ZFAND3: variants seen among roughly 807,000 people sequenced by gnomAD.
ZFAND3 encodes zinc finger AN1-type containing 3, also known as AN1-type zinc finger protein 3.
ZFAND3 carries 10 observed loss-of-function variants against 29.6 expected under a neutral mutation model. The observed-to-expected ratio is 0.34, with a 90% CI of 0.21 to 0.57. ZFAND3 has a LOEUF of 0.57. ZFAND3 is among the 20% of genes least tolerant of loss of function. The pLI is 0.86. For synonymous variants in ZFAND3, 128 were observed against 112.6 expected (o/e 1.14, Z -0.87); for missense variants, 230 against 304.5 (o/e 0.76, Z 1.82).
intron 2 of ZFAND3, among the ~76,000 whole-genome samples, chr6:37,944,185 T>A (rs927967849): frequency 6.6e-6 from 1 of 152,204 alleles, no homozygotes. Flanking sequence ...TTAATTAAAA[T>A]TTTTATTTAA....
At position 38,125,765 on chromosome 6, in the gene ZFAND3, ATT is replaced by A; in HGVS notation, c.529+9029_529+9030del. ...AGGAAGTGAATTATTAGTGTCTTTT[ATT>A]TTAGTTCCAGTAGTAAATAGTTTTA... On this transcript the variant is annotated intron_variant, in intron 5 of 5. Transcript: ENST00000287218. Among the ~76,000 whole-genome samples, 2 of 152,272 alleles carry A rather than the reference ATT, an allele frequency of 1.3e-5. 1 individual carries two copies.
intron 1 of ZFAND3, among the ~76,000 whole-genome samples, chr6:37,836,814 A>G (rs1049925526): frequency 1.9e-4 from 29 of 152,126 alleles, no homozygotes; most frequent in African/African-American, 6.0e-4. Flanking sequence ...TTGAACTTCA[A>G]CTTCTTAGTC....
intron 1 of ZFAND3, among the ~76,000 whole-genome samples, chr6:37,861,957 A>G (rs187225488): frequency 7.2e-5 from 11 of 152,326 alleles, no homozygotes; most frequent in African/African-American, 2.2e-4. Context: ...AATCTTTCCC[A>G]GTGTTGTCAC....
chr6:38,144,232 T>TATATATATAATATATATATATATA (rs147631639), intron 5 of ZFAND3, among the ~76,000 whole-genome samples: 4 of 48,294 alleles, frequency 8.3e-5, no homozygotes, highest in African/African-American at 1.2e-4. Context: ...TATATATATA[T>TATATATATAATATATATATATATA]TTTTTTTTTA....
chr6:38,110,258 G>A (rs1765288596), intron 4 of ZFAND3, among the ~76,000 whole-genome samples: 1 of 151,984 alleles, frequency 6.6e-6, no homozygotes, highest in Non-Finnish European at 1.5e-5. Context: ...AGGGTCATTG[G>A]GAACATTAAG....
chr6:38,020,584 T>G (rs1181926070), intron 2 of ZFAND3, among the ~76,000 whole-genome samples: 5 of 152,220 alleles, frequency 3.3e-5, no homozygotes, highest in Non-Finnish European at 1.5e-5. Context: ...TAATGGCATG[T>G]GGATAAAAAA....
intron 1 of ZFAND3, among the ~76,000 whole-genome samples, chr6:37,869,000 G>A (rs77267391): frequency 7.7e-4 from 118 of 152,282 alleles, no homozygotes; most frequent in African/African-American, 2.1e-3. Context: ...AGTTAGTAGA[G>A]TTAGGGCTAT....
chr6:38,137,094 G>C (rs1030919959), intron 5 of ZFAND3, among the ~76,000 whole-genome samples: 2 of 152,234 alleles, frequency 1.3e-5, no homozygotes, highest in African/African-American at 4.8e-5. Flanking sequence ...TACTCCGCTT[G>C]TTTGTAATTA....
At chr6:38,074,857 A>G (rs1764521703) in intron 3 of ZFAND3, among the ~76,000 whole-genome samples, 1 of 152,162 alleles carries the variant, frequency 6.6e-6, no homozygotes, top group African/African-American at 2.4e-5. Context: ...CCTTCTGAAA[A>G]ATCCTAGGGC....
chr6:37,827,084 A>G (rs933170071), intron 1 of ZFAND3, among the ~76,000 whole-genome samples: 1 of 152,212 alleles, frequency 6.6e-6, no homozygotes, highest in Non-Finnish European at 1.5e-5. Context: ...TACATTCTGA[A>G]CATGAGGGAC....
intron 2 of ZFAND3, among the ~76,000 whole-genome samples, chr6:38,059,465 C>T (rs1183679826): frequency 2.0e-5 from 3 of 152,150 alleles, no homozygotes; most frequent in African/African-American, 4.8e-5. Flanking sequence ...GATCAATTTT[C>T]TGTTAATGGA....
chr6:38,096,277 A>G (rs917672701), intron 4 of ZFAND3, among the ~76,000 whole-genome samples: 1 of 150,800 alleles, frequency 6.6e-6, no homozygotes, highest in Non-Finnish European at 1.5e-5. Flanking sequence ...GGTTTAAGCG[A>G]TTCTCCTGCC....
intron 2 of ZFAND3, among the ~76,000 whole-genome samples, chr6:38,022,717 C>A (rs1295234022): frequency 6.6e-6 from 1 of 152,186 alleles, no homozygotes; most frequent in Non-Finnish European, 1.5e-5. Flanking sequence ...TTTAACCTTG[C>A]TTTTCTATCC....
At chr6:37,944,554 C>T (rs1330521822) in intron 2 of ZFAND3, among the ~76,000 whole-genome samples, 1 of 152,166 alleles carries the variant, frequency 6.6e-6, no homozygotes, top group Non-Finnish European at 1.5e-5. Flanking sequence ...CAAAATTTGT[C>T]TTCATTGAAT....
chr6:38,073,137 G>A (rs1384138861), intron 3 of ZFAND3, among the ~76,000 whole-genome samples: 3 of 152,112 alleles, frequency 2.0e-5, no homozygotes, highest in Admixed American at 6.5e-5. Context: ...GAAGGGCACC[G>A]GTGTTCCAAG....
chr6:37,856,017 T>G (rs1402817937), intron 1 of ZFAND3, among the ~76,000 whole-genome samples: 1 of 152,028 alleles, frequency 6.6e-6, no homozygotes, highest in African/African-American at 2.4e-5. Context: ...CTGGTTTTTT[T>G]TTTTTCTTCT....
intron 1 of ZFAND3, among the ~76,000 whole-genome samples, chr6:37,822,677 G>C (rs185029928): frequency 6.6e-6 from 1 of 152,304 alleles, no homozygotes; most frequent in East Asian, 1.9e-4. Context: ...AGCTGGGGTG[G>C]AGGTAGAGGA....
intron 2 of ZFAND3, among the ~76,000 whole-genome samples, chr6:38,047,506 C>T (rs1763927510): frequency 1.3e-5 from 2 of 152,034 alleles, no homozygotes; most frequent in Non-Finnish European, 2.9e-5. Flanking sequence ...AAATTACATG[C>T]AAAAGTTTTC....
chr6:38,082,399 A>G lies in ZFAND3; in HGVS notation c.303A>G (p.Pro101=). ...VTSPSKEECG[P]CTDTAHVSLI... ...CTGCCTTTCTGTTTCTAGGTGGGCC[A>G]TGCACAGACACAGCTCATGTCTCAT... Residue 101 remains proline (P), a synonymous_variant, in exon 4 of 6, where the codon CCA becomes CCG. Coordinates refer to ENST00000287218, the MANE Select transcript of ZFAND3 (RefSeq NM_021943.3). The G allele has an allele frequency of 1.9e-6, 3 of 1,611,960 alleles. No homozygotes were observed. Among genetic ancestry groups the G allele is most frequent in the Admixed American group, 1.7e-5 (1 of 59,752 alleles).
Sources: allele counts gnomAD v4.1 joint callset (sites outside exome capture counted in the v4.1 genomes callset), GRCh38; gene constraint gnomAD v4.1.1; transcripts MANE v1.5; gene names NCBI Gene and HGNC (gene_info 2026-07-23, HGNC 2026-07-21).